Variants in CDH13 observed in about 807,000 individuals in gnomAD.
The protein encoded by CDH13 is cadherin-13.
A neutral mutation model predicts 63.8 loss-of-function variants in CDH13; 24 were observed. The ratio of observed to expected loss-of-function variants is 0.38; its 90% CI spans 0.27 to 0.53. The LOEUF (loss-of-function observed/expected upper bound fraction) is 0.53, where lower values mean the gene tolerates loss of function less well. Among genes scored for constraint, CDH13 ranks in the 20% least tolerant of loss-of-function variants. The probability of loss-of-function intolerance (pLI) is 0.85; values close to 1 mark genes in which losing one functional copy is unlikely to be tolerated. For synonymous variants in CDH13, 503 were observed against 355.3 expected, an observed-to-expected ratio of 1.42 and a Z score of -4.67; for missense variants, 1,049 against 903.1, an observed-to-expected ratio of 1.16 and a Z score of -2.07.
chr16:83,353,728 T>C (rs1370448170), intron 6 of CDH13, among the ~76,000 whole-genome samples: 1 of 152,246 alleles, frequency 6.6e-6, no homozygotes, highest in Non-Finnish European at 1.5e-5. Flanking sequence ...TGGACTAGCC[T>C]ATGTATCTGC....
chr16:83,647,463 G>A (rs1051064064), intron 8 of CDH13, among the ~76,000 whole-genome samples: 1 of 152,178 alleles, frequency 6.6e-6, no homozygotes, highest in Admixed American at 6.5e-5. Flanking sequence ...CCATAGCAAT[G>A]ATGCTAGATG....
intron 6 of CDH13, among the ~76,000 whole-genome samples, chr16:83,476,922 C>T (rs1424634689): frequency 6.6e-6 from 1 of 152,084 alleles, no homozygotes; most frequent in Non-Finnish European, 1.5e-5. Flanking sequence ...AAAAGAACTT[C>T]ATGGGAATGG....
intron 2 of CDH13, among the ~76,000 whole-genome samples, chr16:82,938,578 G>A (rs368912683): frequency 1.2e-3 from 185 of 152,286 alleles, no homozygotes; most frequent in African/African-American, 4.1e-3. Flanking sequence ...CAGAGTCTAA[G>A]ACACTGGTCC....
chr16:82,963,729 A>G (rs1335402432), intron 2 of CDH13, among the ~76,000 whole-genome samples: 2 of 152,200 alleles, frequency 1.3e-5, no homozygotes, highest in African/African-American at 4.8e-5. Flanking sequence ...TAAGCAGTCC[A>G]TAAAGCTGGA....
intron 3 of CDH13, among the ~76,000 whole-genome samples, chr16:83,092,066 T>C (rs1001075753): frequency 1.3e-5 from 2 of 152,248 alleles, no homozygotes; most frequent in African/African-American, 2.4e-5. Context: ...GACATTATCC[T>C]ACCAAGTTAA....
At chr16:82,680,283 C>G (rs1335221234) in intron 1 of CDH13, among the ~76,000 whole-genome samples, 2 of 152,236 alleles carry the variant, frequency 1.3e-5, no homozygotes, top group South Asian at 2.1e-4. Flanking sequence ...TGACTCTGTT[C>G]TAAGTACTTT....
At chr16:83,422,853 C>T (rs572110516) in intron 6 of CDH13, among the ~76,000 whole-genome samples, 1 of 152,206 alleles carries the variant, frequency 6.6e-6, no homozygotes, top group African/African-American at 2.4e-5. Context: ...ACACAATGAA[C>T]ACTCAGAAAT....
intron 2 of CDH13, among the ~76,000 whole-genome samples, chr16:82,911,689 AAACATGGGTGTTCAGAAGT>A (rs1245440885): frequency 1.3e-5 from 2 of 152,184 alleles, no homozygotes; most frequent in African/African-American, 4.8e-5. Flanking sequence ...AGCACCTGGT[AAACATGGGTGTTCAGAAGT>A]ATGGTCCTTC....
At chr16:82,956,554 G>C (rs1906136676) in intron 2 of CDH13, among the ~76,000 whole-genome samples, 1 of 152,008 alleles carries the variant, frequency 6.6e-6, no homozygotes, top group Admixed American at 6.6e-5. Context: ...CACACCCTTT[G>C]GAACTCCTCT....
intron 7 of CDH13, among the ~76,000 whole-genome samples, chr16:83,500,592 A>C (rs1382288550): frequency 1.3e-5 from 1 of 79,292 alleles, no homozygotes; most frequent in African/African-American, 5.2e-5. Flanking sequence ...TTTTTTTTTG[A>C]GATGGCGTCT....
chr16:83,041,563 A>G (rs1567773381), intron 3 of CDH13, among the ~76,000 whole-genome samples: 1 of 152,212 alleles, frequency 6.6e-6, no homozygotes, highest in Non-Finnish European at 1.5e-5. Flanking sequence ...CAACTTTTAA[A>G]TCCACTACCT....
At chr16:82,648,008 G>C (rs962399742) in intron 1 of CDH13, among the ~76,000 whole-genome samples, 1 of 152,194 alleles carries the variant, frequency 6.6e-6, no homozygotes, top group Non-Finnish European at 1.5e-5. Context: ...ATAAGGGGCA[G>C]TTCCCCTGCA....
At chr16:83,256,956 T>C (rs1266549086) in intron 5 of CDH13, among the ~76,000 whole-genome samples, 4 of 152,058 alleles carry the variant, frequency 2.6e-5, no homozygotes, top group African/African-American at 7.2e-5. Context: ...CTGCTATATG[T>C]TGGGGCCTGC....
At chr16:82,940,040 A>C (rs1324228649) in intron 2 of CDH13, among the ~76,000 whole-genome samples, 1 of 152,170 alleles carries the variant, frequency 6.6e-6, no homozygotes, top group Non-Finnish European at 1.5e-5. Context: ...TTATAAAACC[A>C]TCAGATTTCA....
chr16:83,256,381 C>G (rs1353141679), intron 5 of CDH13, among the ~76,000 whole-genome samples: 1 of 152,030 alleles, frequency 6.6e-6, no homozygotes, highest in Non-Finnish European at 1.5e-5. Flanking sequence ...AAATTAATTC[C>G]CTGAGATCGT....
chr16:83,094,775 G>A (rs2034111681), intron 3 of CDH13, among the ~76,000 whole-genome samples: 1 of 152,142 alleles, frequency 6.6e-6, no homozygotes, highest in African/African-American at 2.4e-5. Flanking sequence ...TTTAAAGTTG[G>A]TGACTTCCTT....
chr16:83,425,702 C>T (rs2071872272), intron 6 of CDH13, among the ~76,000 whole-genome samples: 1 of 152,216 alleles, frequency 6.6e-6, no homozygotes. Flanking sequence ...ACTCTTTCTT[C>T]AACTAATCTG....
rs963438914 is a variant in CDH13, at chr16:82,737,507, C to T, written c.45+110370C>T. ...GTGGAAGAGAGGGGTGGTCTGATGA[C>T]TTGTTTCAAAATGATCTCAATATCA... On this transcript the variant is annotated intron_variant, in intron 1 of 13. Transcript: ENST00000567109. 2.0e-5 allele frequency among the ~76,000 whole-genome samples: 3 copies of T among 152,192 alleles called. No individual in the cohort carries two copies. In the South Asian group the frequency reaches 6.2e-4, roughly 31 times the overall value.
chr16:83,397,092 G>A (rs1388750308), intron 6 of CDH13, among the ~76,000 whole-genome samples: 3 of 152,064 alleles, frequency 2.0e-5, no homozygotes, highest in Middle Eastern at 3.4e-3. Flanking sequence ...TGATCTCACC[G>A]CCGCCCCCTT....
Sources: gnomAD v4.1 joint callset for allele counts (sites outside exome capture counted in the v4.1 genomes callset) on GRCh38, gnomAD v4.1.1 for gene constraint, MANE v1.5 for transcripts, NCBI Gene and HGNC (gene_info 2026-07-23, HGNC 2026-07-21) for gene names.